The following TRMT11 variants were observed in gnomAD, a reference collection of about 807,000 sequenced individuals.
TRMT11 encodes tRNA methyltransferase 11.
TRMT11 carries 53 observed loss-of-function variants against 62.8 expected under a neutral mutation model. That is an observed-to-expected ratio of 0.84 (90% confidence interval 0.68 to 1.06). TRMT11 has a LOEUF of 1.06. Ranked by LOEUF, TRMT11 falls within the 50% of genes least tolerant of loss-of-function variation. TRMT11 has a pLI of 0.00. For missense variants in TRMT11, 556 were observed against 553.4 expected (o/e 1.00, Z -0.05); for synonymous variants, 188 against 190.3 (o/e 0.99, Z 0.10).
intron 17 of TRMT11, among the ~76,000 whole-genome samples, chr6:126,058,748 A>G (rs977810422): frequency 1.3e-5 from 2 of 152,264 alleles, no homozygotes; most frequent in Non-Finnish European, 2.9e-5. Flanking sequence ...GGATATCTCA[A>G]CTGATCCCAC....
At chr6:126,079,931 T>G (rs1221411238) in intron 17 of TRMT11, among the ~76,000 whole-genome samples, 1 of 152,112 alleles carries the variant, frequency 6.6e-6, no homozygotes, top group African/African-American at 2.4e-5. Context: ...GTATGCACAT[T>G]CACTATAAAG....
At chr6:126,023,375 C>T (rs200084151) in intron 12 of TRMT11, among the ~76,000 whole-genome samples, 13 of 151,840 alleles carry the variant, frequency 8.6e-5, no homozygotes, top group African/African-American at 2.9e-4. Flanking sequence ...CTGGGCCAGG[C>T]GCGGTGGCTC....
Position 126,193,488 on chromosome 6 carries a change from G to GTTTTTTTTTTT in TRMT11, n.144-5310_144-5309insTTTTTTTTTTT, listed in dbSNP as rs1778627491. 1.6e-3 allele frequency among the ~76,000 whole-genome samples: 187 copies of GTTTTTTTTTTT among 118,106 alleles called. 14 individuals are homozygous for GTTTTTTTTTTT. The highest frequency in any genetic ancestry group is 6.4e-3 in the African/African-American group (171 of 26,874). 77.5% of individuals were successfully genotyped at this position (118,106 alleles called of 152,430 possible). On this transcript the variant is annotated intron_variant and non_coding_transcript_variant, in intron 1 of 3. Coordinates refer to the TRMT11 transcript ENST00000444229. ...TAGGTTATTTAAGAGGAGCGTTTCT[G>GTTTTTTTTTTT]TATTTTTTTTTTTTTTTTTTTTTTT...
the TRMT11 span, among the ~76,000 whole-genome samples, chr6:126,271,761 G>A: frequency 1.0e-3 from 155 of 152,202 alleles, no homozygotes; most frequent in East Asian, 0.025. Context: ...CTATAGGAAG[G>A]TCATAATTTT....
At chr6:126,115,887 A>G (rs901308936) in intron 21 of TRMT11, among the ~76,000 whole-genome samples, 8 of 151,820 alleles carry the variant, frequency 5.3e-5, no homozygotes, top group African/African-American at 1.7e-4. Context: ...GTACTCCCCA[A>G]ATCAGTCTTG....
intron 17 of TRMT11, among the ~76,000 whole-genome samples, chr6:126,082,137 C>T (rs1777164544): frequency 6.6e-6 from 1 of 152,030 alleles, no homozygotes; most frequent in African/African-American, 2.4e-5. Context: ...TCTTTACAAT[C>T]AATTAAATGA....
At chr6:126,264,009 T>C in the TRMT11 span, among the ~76,000 whole-genome samples, 1 of 152,174 alleles carries the variant, frequency 6.6e-6, no homozygotes, top group East Asian at 1.9e-4. Context: ...TTTCTGCTTG[T>C]TTTACATGTC....
intron 21 of TRMT11, among the ~76,000 whole-genome samples, chr6:126,135,719 C>T (rs1393158771): frequency 6.6e-6 from 1 of 151,606 alleles, no homozygotes; most frequent in African/African-American, 2.4e-5. Flanking sequence ...CTGATGAACA[C>T]AGAAGCAAAA....
At chr6:126,042,085 T>C (rs922497045), downstream of TRMT11, among the ~76,000 whole-genome samples, 1 of 152,178 alleles carries the variant, frequency 6.6e-6, no homozygotes, top group African/African-American at 2.4e-5. Context: ...TGTACTTTAC[T>C]AAAACATTGA....
At chr6:126,155,758 T>C (rs890463612) in intron 21 of TRMT11, among the ~76,000 whole-genome samples, 1 of 152,192 alleles carries the variant, frequency 6.6e-6, no homozygotes, top group African/African-American at 2.4e-5. Context: ...TCTCGCTCTG[T>C]CACCCAGGCT....
upstream of TRMT11, among the ~76,000 whole-genome samples, chr6:126,176,251 A>G (rs1248566023): frequency 2.0e-5 from 3 of 152,238 alleles, no homozygotes; most frequent in Admixed American, 6.5e-5. Context: ...AACAACTGCT[A>G]GCCCCTGGTT....
At chr6:126,166,153 C>G (rs1428934000) in intron 21 of TRMT11, among the ~76,000 whole-genome samples, 1 of 152,100 alleles carries the variant, frequency 6.6e-6, no homozygotes, top group African/African-American at 2.4e-5. Flanking sequence ...ATTTTCTTCT[C>G]TAAACTGGTT....
At chr6:126,165,226 C>T (rs1474663621) in intron 21 of TRMT11, among the ~76,000 whole-genome samples, 3 of 150,392 alleles carry the variant, frequency 2.0e-5, no homozygotes, top group East Asian at 1.9e-4. Flanking sequence ...TGCACTGAGC[C>T]GAGATGGGTG....
At chr6:125,999,410 G>A in intron 6 of TRMT11, 47 bp from the exon 7 acceptor site, 1 of 1,464,384 alleles carries the variant, frequency 6.8e-7, no homozygotes, top group Non-Finnish European at 9.2e-7. Flanking sequence ...ATTATCTTAA[G>A]TCTATTCTGT....
At chr6:126,002,509 T>C (rs1792676471) in intron 7 of TRMT11, among the ~76,000 whole-genome samples, 1 of 152,168 alleles carries the variant, frequency 6.6e-6, no homozygotes, top group African/African-American at 2.4e-5. Context: ...GAGTTCAGGA[T>C]GTGTTTTCAG....
At chr6:126,269,835 A>G in the TRMT11 span, among the ~76,000 whole-genome samples, 1 of 152,224 alleles carries the variant, frequency 6.6e-6, no homozygotes, top group South Asian at 2.1e-4. Context: ...AGAAAGATGG[A>G]GGAATAAGGA....
At chr6:126,205,993 T>C (rs989682374), downstream of TRMT11, among the ~76,000 whole-genome samples, 32 of 152,022 alleles carry the variant, frequency 2.1e-4, no homozygotes, top group African/African-American at 6.8e-4. Context: ...TATGACGATA[T>C]AAAGATATGG....
the TRMT11 span, among the ~76,000 whole-genome samples, chr6:126,215,476 A>G: frequency 6.6e-6 from 1 of 151,986 alleles, no homozygotes; most frequent in East Asian, 1.9e-4. Context: ...TTTGTCTTGA[A>G]ATCTATTTTG....
chr6:126,063,778 A>G (rs1232159776), intron 17 of TRMT11, among the ~76,000 whole-genome samples: 1 of 152,222 alleles, frequency 6.6e-6, no homozygotes, highest in East Asian at 1.9e-4. Flanking sequence ...TGAGCCATGG[A>G]AAAATAAACA....
Sources: allele counts gnomAD v4.1 joint callset (sites outside exome capture counted in the v4.1 genomes callset), GRCh38; gene constraint gnomAD v4.1.1; transcripts MANE v1.5; gene names NCBI Gene and HGNC (gene_info 2026-07-23, HGNC 2026-07-21).